Variants in PEBP4 observed in about 807,000 individuals in gnomAD.
PEBP4 encodes the protein phosphatidylethanolamine-binding protein 4.
In PEBP4, 22 loss-of-function variants were observed where a neutral mutation model predicts 23.9. The ratio of observed to expected loss-of-function variants is 0.92; its 90% CI spans 0.66 to 1.31. The LOEUF is 1.31. Ranked by LOEUF, PEBP4 falls within the 40% of genes most tolerant of loss-of-function variation. The pLI is 0.00. For missense variants in PEBP4, 324 were observed against 281.7 expected, an observed-to-expected ratio of 1.15 and a Z score of -1.07; for synonymous variants, 112 against 99.3, an observed-to-expected ratio of 1.13 and a Z score of -0.76.
Position 22,838,488 on chromosome 8 carries a change from T to C in PEBP4, c.259-20753A>G, listed in dbSNP as rs568090035. Among the ~76,000 whole-genome samples, 5 of 152,324 alleles carry C rather than the reference T, an allele frequency of 3.3e-5. No individual in the cohort carries two copies. In the South Asian group the frequency reaches 1.0e-3, roughly 32 times the overall value. On this transcript the variant is annotated intron_variant, in intron 3 of 6. Transcript: ENST00000256404. ...TGGGAGACTCGAAGCCTCTGGTCCT[T>C]TACTTCCTCCCTCACACATGACACT... is the stretch of plus-strand genomic sequence containing the variant.
chr8:22,782,670 T>C (rs766808839), intron 4 of PEBP4, among the ~76,000 whole-genome samples: 1 of 152,216 alleles, frequency 6.6e-6, no homozygotes, highest in Non-Finnish European at 1.5e-5. Flanking sequence ...CAAAATTGTA[T>C]ACCTCTGTAT....
chr8:22,901,008 T>TA (rs1445525581), intron 3 of PEBP4, among the ~76,000 whole-genome samples: 1 of 152,230 alleles, frequency 6.6e-6, no homozygotes, highest in African/African-American at 2.4e-5. Flanking sequence ...AGGAGGATGA[T>TA]AAAATGTTTA....
intron 3 of PEBP4, among the ~76,000 whole-genome samples, chr8:22,860,194 A>ATATATATATACACATATATATATG (rs1807744631): frequency 1.0e-5 from 1 of 97,596 alleles, no homozygotes; most frequent in African/African-American, 5.3e-5. Context: ...ATATATATGT[A>ATATATATATACACATATATATATG]TATATATATA....
At chr8:22,930,447 A>C (rs1010468280), upstream of PEBP4, among the ~76,000 whole-genome samples, 1 of 152,116 alleles carries the variant, frequency 6.6e-6, no homozygotes, top group Non-Finnish European at 1.5e-5. Flanking sequence ...CCCAGCCTAT[A>C]AGCTTCTCGG....
At chr8:22,864,827 C>A (rs1807852034) in intron 3 of PEBP4, among the ~76,000 whole-genome samples, 1 of 152,232 alleles carries the variant, frequency 6.6e-6, no homozygotes, top group South Asian at 2.1e-4. Flanking sequence ...CAGTAAAACA[C>A]CACGGGGGCC....
chr8:22,733,613 C>T (rs1804784923), intron 4 of PEBP4, among the ~76,000 whole-genome samples: 1 of 152,128 alleles, frequency 6.6e-6, no homozygotes, highest in African/African-American at 2.4e-5. Flanking sequence ...CTCGTGGTGC[C>T]TCAGAGCAAA....
At chr8:22,835,212 C>T (rs1056526130) in intron 3 of PEBP4, among the ~76,000 whole-genome samples, 3 of 152,202 alleles carry the variant, frequency 2.0e-5, no homozygotes, top group Non-Finnish European at 4.4e-5. Flanking sequence ...ATACCTGTCT[C>T]ACACAGCAGG....
At chr8:22,744,977 C>T (rs550307089) in intron 4 of PEBP4, among the ~76,000 whole-genome samples, 40 of 152,134 alleles carry the variant, frequency 2.6e-4, no homozygotes, top group Non-Finnish European at 4.9e-4. Flanking sequence ...AAATGGAATG[C>T]GGGTGTCCTG....
chr8:22,790,172 C>A (rs1305783144), intron 4 of PEBP4, among the ~76,000 whole-genome samples: 1 of 152,218 alleles, frequency 6.6e-6, no homozygotes. Flanking sequence ...ATCCTTCAAC[C>A]ATTGCATGGG....
At chr8:22,822,572 T>C (rs1232260550) in intron 3 of PEBP4, among the ~76,000 whole-genome samples, 1 of 152,142 alleles carries the variant, frequency 6.6e-6, no homozygotes, top group Non-Finnish European at 1.5e-5. Flanking sequence ...CATGATTGTC[T>C]ACATGAGAAA....
intron 6 of PEBP4, among the ~76,000 whole-genome samples, chr8:22,718,923 C>G (rs903929545): frequency 6.6e-6 from 1 of 152,194 alleles, no homozygotes; most frequent in Non-Finnish European, 1.5e-5. Context: ...CATCCCTCTG[C>G]AGCAACATCT....
chr8:22,849,838 G>A (rs766642117), intron 3 of PEBP4, among the ~76,000 whole-genome samples: 4 of 152,126 alleles, frequency 2.6e-5, no homozygotes, highest in Non-Finnish European at 4.4e-5. Context: ...CATGTCCATG[G>A]CTTTAATCTG....
At chr8:22,808,067 C>G (rs778981394) in intron 4 of PEBP4, among the ~76,000 whole-genome samples, 1 of 152,116 alleles carries the variant, frequency 6.6e-6, no homozygotes, top group Non-Finnish European at 1.5e-5. Flanking sequence ...ATTCATGCAT[C>G]CATCCACCTA....
At chr8:22,908,287 G>A (rs1808857606) in intron 3 of PEBP4, among the ~76,000 whole-genome samples, 1 of 152,016 alleles carries the variant, frequency 6.6e-6, no homozygotes, top group Non-Finnish European at 1.5e-5. Flanking sequence ...AACAAGAAAG[G>A]AGAAAAGGAG....
At chr8:22,786,306 A>G (rs1806025803) in intron 4 of PEBP4, among the ~76,000 whole-genome samples, 1 of 152,144 alleles carries the variant, frequency 6.6e-6, no homozygotes, top group Non-Finnish European at 1.5e-5. Context: ...TTTAAGAGAC[A>G]GGGTCTTGCT....
chr8:22,873,102 A>T (rs935233745), intron 3 of PEBP4, among the ~76,000 whole-genome samples: 1 of 152,152 alleles, frequency 6.6e-6, no homozygotes, highest in Non-Finnish European at 1.5e-5. Flanking sequence ...CACCAAAATC[A>T]TTCTTCCCCA....
At chr8:22,875,777 G>A (rs993850473) in intron 3 of PEBP4, among the ~76,000 whole-genome samples, 16 of 151,862 alleles carry the variant, frequency 1.1e-4, no homozygotes, top group Admixed American at 2.0e-4. Flanking sequence ...CCAGAAACCC[G>A]GCGAAGTCTC....
intron 4 of PEBP4, among the ~76,000 whole-genome samples, chr8:22,755,389 G>A (rs1356562802): frequency 7.3e-6 from 1 of 136,990 alleles, no homozygotes; most frequent in Non-Finnish European, 1.5e-5. Flanking sequence ...AGGCTGCCGC[G>A]CAGTGGCGTG....
intron 4 of PEBP4, among the ~76,000 whole-genome samples, chr8:22,743,256 C>T (rs958044649): frequency 5.9e-5 from 9 of 152,018 alleles, no homozygotes; most frequent in African/African-American, 1.9e-4. Context: ...CTACTGACCT[C>T]CTGGGCAGGA....
Sources: gnomAD v4.1 joint callset for allele counts (sites outside exome capture counted in the v4.1 genomes callset) on GRCh38, gnomAD v4.1.1 for gene constraint, MANE v1.5 for transcripts, NCBI Gene and HGNC (gene_info 2026-07-23, HGNC 2026-07-21) for gene names.